The following PPP2R2C variants were observed in gnomAD, a reference collection of about 807,000 sequenced individuals.
PPP2R2C encodes protein phosphatase 2, regulatory subunit B, gamma.
PPP2R2C carries 10 observed loss-of-function variants against 45.3 expected under a neutral mutation model. That is an observed-to-expected ratio of 0.22 (90% confidence interval 0.14 to 0.37). The LOEUF is 0.37. PPP2R2C is among the 10% of genes least tolerant of loss of function. The pLI, the probability that PPP2R2C is intolerant of heterozygous loss-of-function variation, is 1.00. For missense variants in PPP2R2C, 308 were observed against 619.7 expected (o/e 0.50, Z 5.34); for synonymous variants, 257 against 245.4 (o/e 1.05, Z -0.44).
rs200692901 is a variant in PPP2R2C, at chr4:6,409,610, CAG to C, written c.71-28518_71-28517del. On this transcript the variant is annotated intron_variant, in intron 1 of 8. Transcript: ENST00000382599. ...AGAGTAAAGTGCCATCGTCACTGGC[CAG>C]AGAGTAGCAAGAGGGAGGCACAGGA... Among the ~76,000 whole-genome samples, 1,034 of 152,266 alleles carry C rather than the reference CAG, an allele frequency of 6.8e-3. 10 individuals carry two copies. The highest frequency in any genetic ancestry group is 0.022 in the African/African-American group (919 of 41,538).
At chr4:6,370,168 G>T (rs928327455) in intron 5 of PPP2R2C, among the ~76,000 whole-genome samples, 3 of 152,216 alleles carry the variant, frequency 2.0e-5, no homozygotes, top group African/African-American at 7.2e-5. Context: ...CAGGGCAAAA[G>T]CCCTGGACCA....
chr4:6,503,735 T>C (rs542052544), intron 2 of PPP2R2C, among the ~76,000 whole-genome samples: 5 of 149,950 alleles, frequency 3.3e-5, no homozygotes, highest in Non-Finnish European at 7.4e-5. Flanking sequence ...TAAACATCCA[T>C]CAGCAAAAGA....
intron 5 of PPP2R2C, among the ~76,000 whole-genome samples, chr4:6,351,647 C>G (rs1220708536): frequency 2.0e-5 from 3 of 152,178 alleles, no homozygotes; most frequent in African/African-American, 7.2e-5. Context: ...GCCCTGCATC[C>G]ACATCACCCT....
chr4:6,554,966 AG>A lies in PPP2R2C; in HGVS notation c.-59+8593del, dbSNP rs1310343066. On this transcript the variant is annotated intron_variant, in intron 1 of 9. Transcript: ENST00000506140. ...AAGAAAGAAAGAAAGAAAGAAAGAA[AG>A]AGAAAGAAAGAAAAGAGAAGAGAAG... Among the ~76,000 whole-genome samples, 102 of 143,504 alleles carry A rather than the reference AG, an allele frequency of 7.1e-4. 1 individual carries two copies. Among genetic ancestry groups the A allele is most frequent in the East Asian group, 4.5e-3 (20 of 4,492 alleles). The allele number at this position is 143,504 out of a possible 152,430, so 94.1% of individuals were successfully genotyped here.
intron 2 of PPP2R2C, among the ~76,000 whole-genome samples, chr4:6,500,517 A>G (rs1239559112): frequency 1.3e-5 from 2 of 151,924 alleles, no homozygotes; most frequent in African/African-American, 4.8e-5. Context: ...GATCTCATCC[A>G]CTCCAAGCTG....
At chr4:6,425,865 G>A (rs575183650) in intron 1 of PPP2R2C, among the ~76,000 whole-genome samples, 4 of 151,562 alleles carry the variant, frequency 2.6e-5, no homozygotes, top group Admixed American at 2.6e-4. Context: ...GTATGTGTGG[G>A]GTGTGTGTGT....
rs149217875 is a variant in PPP2R2C, at chr4:6,491,966, G to A, written c.49+43305C>T. 2.2e-3 allele frequency among the ~76,000 whole-genome samples: 339 copies of A among 152,264 alleles called. 1 individual carries two copies. The highest frequency in any genetic ancestry group is 7.4e-3 in the African/African-American group (309 of 41,548). ...AATGCGAGAACAGACTAATACAGCC[G>A]GGCTCCATCCACTGGCTCTGCTGCA... On this transcript the variant is annotated intron_variant, in intron 2 of 9. Transcript: ENST00000506140.
chr4:6,501,922 T>C (rs938859259), intron 2 of PPP2R2C, among the ~76,000 whole-genome samples: 17 of 152,182 alleles, frequency 1.1e-4, no homozygotes, highest in African/African-American at 4.1e-4. Flanking sequence ...GCCCAGCACA[T>C]AGCAGGTGCT....
intron 1 of PPP2R2C, among the ~76,000 whole-genome samples, chr4:6,417,762 C>T (rs543124913): frequency 2.6e-5 from 4 of 152,208 alleles, no homozygotes; most frequent in Admixed American, 6.5e-5. Context: ...AGGGGAACCT[C>T]GGCTGCGTGG....
At chr4:6,341,358 A>C (rs917401493) in intron 6 of PPP2R2C, among the ~76,000 whole-genome samples, 8 of 141,504 alleles carry the variant, frequency 5.7e-5, no homozygotes, top group East Asian at 2.0e-4. Flanking sequence ...AAAAAAAAAA[A>C]CCCAGCTCAC....
intron 1 of PPP2R2C, among the ~76,000 whole-genome samples, chr4:6,429,477 T>G (rs996630697): frequency 6.6e-6 from 1 of 152,020 alleles, no homozygotes; most frequent in Non-Finnish European, 1.5e-5. Context: ...ATGAAAAAAT[T>G]GTAAGGAAAC....
rs1731629227 is a variant in PPP2R2C at position 6,322,770 on chromosome 4, C to G, written c.*532G>C. ...AAAAACAACGGTGAGGTCATCAGCT[C>G]TGAGACAGGGCGAATTGCCCCATTT... On this transcript the variant is annotated 3_prime_UTR_variant, in exon 9 of 9. Transcript: ENST00000382599. The surrounding 1 kb of genome is among the most constrained non-coding windows in gnomAD (Gnocchi z 7.8). 6.6e-6 allele frequency: 1 copy of G among 152,454 alleles called. No homozygotes were observed. Among genetic ancestry groups the G allele is most frequent in the Non-Finnish European group, 1.5e-5 (1 of 68,226 alleles). 9.4% of individuals were successfully genotyped at this position (152,454 alleles called of 1,614,324 possible).
chr4:6,388,027 C>A (rs1425068115), intron 1 of PPP2R2C, among the ~76,000 whole-genome samples: 1 of 152,220 alleles, frequency 6.6e-6, no homozygotes, highest in Non-Finnish European at 1.5e-5. Flanking sequence ...GGGCCTGGAG[C>A]TGCCACTGGC....
At chr4:6,390,420 G>A (rs1472801010) in intron 1 of PPP2R2C, among the ~76,000 whole-genome samples, 1 of 152,172 alleles carries the variant, frequency 6.6e-6, no homozygotes, top group African/African-American at 2.4e-5. Flanking sequence ...ACTCAGAGTG[G>A]GCACAGCCAC....
intron 1 of PPP2R2C, among the ~76,000 whole-genome samples, chr4:6,445,606 CA>C (rs1424615868): frequency 6.6e-6 from 1 of 152,352 alleles, no homozygotes; most frequent in Middle Eastern, 3.4e-3. Flanking sequence ...GTAATGCCAG[CA>C]CTCTGGGAGG....
chr4:6,429,413 AC>A (rs1185512806), intron 1 of PPP2R2C, among the ~76,000 whole-genome samples: 1 of 152,232 alleles, frequency 6.6e-6, no homozygotes, highest in African/African-American at 2.4e-5. Context: ...AAAGACCAAA[AC>A]TTTCACTGAC....
chr4:6,332,720 G>C lies in PPP2R2C; in HGVS notation c.960+842C>G, dbSNP rs11942931. Among the ~76,000 whole-genome samples the C allele has an allele frequency of 0.29, 43,776 of 151,996 alleles. 6,808 individuals carry two copies. Among genetic ancestry groups the C allele is most frequent in the Non-Finnish European group, 0.34 (22,894 of 67,962 alleles). On this transcript the variant is annotated intron_variant, in intron 7 of 8. Transcript: ENST00000382599. This position sits in a 1 kb window ranked among gnomAD's most constrained non-coding sequence, Gnocchi z 4.9. ...CCACCAAATAGGATGATGGCTCCTT[G>C]TCACCGGACAGTAAAGAATGGAGGT...
chr4:6,458,118 C>T lies in PPP2R2C; in HGVS notation c.70+14042G>A, dbSNP rs562351573. ...TGGATTTCTTCTATGACTCCATTTA[C>T]CTCCAATTTAAATTTCACTTCCAGC... is the stretch of plus-strand genomic sequence containing the variant. On this transcript the variant is annotated intron_variant, in intron 1 of 8. Coordinates refer to ENST00000382599, the MANE Select transcript of PPP2R2C (RefSeq NM_020416.4). Among the ~76,000 whole-genome samples the T allele has an allele frequency of 5.3e-5, 8 of 152,312 alleles. No individual in the cohort carries two copies. In the South Asian group the frequency reaches 1.7e-3, roughly 32 times the overall value.
intron 1 of PPP2R2C, among the ~76,000 whole-genome samples, chr4:6,457,330 T>C (rs1721096983): frequency 6.6e-6 from 1 of 152,026 alleles, no homozygotes; most frequent in Admixed American, 6.6e-5. Context: ...CATTAAAAAG[T>C]CTTTTATGGA....
Sources: allele counts gnomAD v4.1 joint callset (sites outside exome capture counted in the v4.1 genomes callset), GRCh38; gene constraint gnomAD v4.1.1; non-coding constraint Gnocchi (gnomAD v3.1); transcripts MANE v1.5; gene names NCBI Gene and HGNC (gene_info 2026-07-23, HGNC 2026-07-21).